CCSER1: variants seen among roughly 807,000 people sequenced by gnomAD.
The protein encoded by CCSER1 is coiled-coil serine rich protein 1.
CCSER1 carries 41 observed loss-of-function variants against 82.0 expected under a neutral mutation model. That is an observed-to-expected ratio of 0.50 (90% CI 0.39 to 0.65). The LOEUF (loss-of-function observed/expected upper bound fraction) is 0.65, where lower values mean the gene tolerates loss of function less well. Among genes scored for constraint, CCSER1 ranks in the 30% least tolerant of loss-of-function variants. The pLI, the probability that CCSER1 is intolerant of heterozygous loss-of-function variation, is 0.00. For synonymous variants in CCSER1, 414 were observed against 383.9 expected (o/e 1.08, Z -0.92); for missense variants, 1,119 against 1,064.2 (o/e 1.05, Z -0.72).
At chr4:91,161,511 G>C (rs1381035704) in intron 10 of CCSER1, among the ~76,000 whole-genome samples, 1 of 152,116 alleles carries the variant, frequency 6.6e-6, no homozygotes, top group African/African-American at 2.4e-5. Context: ...CCATTTTCAT[G>C]ATATTGATTC....
At chr4:91,280,323 G>C (rs932059582) in intron 10 of CCSER1, among the ~76,000 whole-genome samples, 3 of 152,206 alleles carry the variant, frequency 2.0e-5, no homozygotes, top group African/African-American at 7.2e-5. Context: ...GTATTGCATG[G>C]GTGATAGCAG....
intron 3 of CCSER1, among the ~76,000 whole-genome samples, chr4:90,314,511 A>T (rs1456495262): frequency 6.6e-6 from 1 of 152,070 alleles, no homozygotes; most frequent in Non-Finnish European, 1.5e-5. Flanking sequence ...CTCATATCTC[A>T]TGTGTTTTTC....
At chr4:90,807,533 T>C (rs11932854) in intron 7 of CCSER1, among the ~76,000 whole-genome samples, 51,715 of 151,896 alleles carry the variant, frequency 0.34, 9,021 homozygotes, top group East Asian at 0.43. Flanking sequence ...GTAGGAAGTT[T>C]GAGGCCAGCA....
chr4:90,917,230 G>A (rs890617451), intron 8 of CCSER1, among the ~76,000 whole-genome samples: 1 of 152,152 alleles, frequency 6.6e-6, no homozygotes, highest in Non-Finnish European at 1.5e-5. Context: ...GTTTATTGCG[G>A]CACTGTTCAC....
At chr4:91,382,247 T>C (rs1472589476) in intron 10 of CCSER1, among the ~76,000 whole-genome samples, 1 of 152,122 alleles carries the variant, frequency 6.6e-6, no homozygotes, top group Non-Finnish European at 1.5e-5. Flanking sequence ...ATTTATGGGA[T>C]AAGGAAACCT....
intron 1 of CCSER1, among the ~76,000 whole-genome samples, chr4:90,136,230 T>G (rs557829072): frequency 5.3e-4 from 81 of 152,250 alleles, no homozygotes; most frequent in Middle Eastern, 3.4e-3. Context: ...AGCACTCTTG[T>G]AGGTCCTAGC....
rs148877730 is a variant in CCSER1 at position 90,782,165 on chromosome 4, A to G, written c.2011-33597A>G. Among the ~76,000 whole-genome samples the G allele has an allele frequency of 2.6e-5, 4 of 152,306 alleles. No homozygotes were observed. The East Asian group carries it at 7.7e-4, about 29-fold the overall frequency. On this transcript the variant is annotated intron_variant, in intron 7 of 10. Coordinates refer to ENST00000509176, the MANE Select transcript of CCSER1 (RefSeq NM_001145065.2). ...CGGCCTTCACTGAATAGTTAATTAG[A>G]ATACCACCAGGAGGCGTCTTCTTGG...
intron 10 of CCSER1, among the ~76,000 whole-genome samples, chr4:91,290,429 C>T (rs72877092): frequency 0.078 from 11,831 of 152,032 alleles, 1,505 homozygotes; most frequent in African/African-American, 0.26. Flanking sequence ...CTAACCTCTA[C>T]AGTAGCTGTC....
chr4:91,400,686 A>T (rs1752261822), intron 10 of CCSER1, among the ~76,000 whole-genome samples: 1 of 151,538 alleles, frequency 6.6e-6, no homozygotes, highest in Non-Finnish European at 1.5e-5. Flanking sequence ...ATGTGATTAT[A>T]TCATTTGTAT....
intron 8 of CCSER1, among the ~76,000 whole-genome samples, chr4:90,914,884 C>T (rs1727064646): frequency 6.6e-6 from 1 of 152,158 alleles, no homozygotes; most frequent in South Asian, 2.1e-4. Context: ...ATACCATAAA[C>T]ACCTCTTCAC....
intron 5 of CCSER1, among the ~76,000 whole-genome samples, chr4:90,579,017 A>ACTG (rs57855383): frequency 0.45 from 67,532 of 151,060 alleles, 18,432 homozygotes; most frequent in African/African-American, 0.77. Context: ...GTTGTCTATT[A>ACTG]AAAAAAGCTT....
chr4:90,665,698 G>T (rs1389811189), intron 6 of CCSER1, among the ~76,000 whole-genome samples: 2 of 152,182 alleles, frequency 1.3e-5, no homozygotes, highest in Non-Finnish European at 2.9e-5. Context: ...TGAGGCAAGA[G>T]TTTACAAAGC....
intron 4 of CCSER1, among the ~76,000 whole-genome samples, chr4:90,421,224 T>A (rs1463099076): frequency 6.6e-6 from 1 of 152,200 alleles, no homozygotes; most frequent in Non-Finnish European, 1.5e-5. Flanking sequence ...TTTCTATTCA[T>A]CAGGTCATAT....
At chr4:90,190,969 A>G (rs140352554) in intron 1 of CCSER1, among the ~76,000 whole-genome samples, 3,198 of 152,218 alleles carry the variant, frequency 0.021, 42 homozygotes, top group South Asian at 0.035. Context: ...AAAGAGCTTC[A>G]AAGTTTATGC....
intron 10 of CCSER1, among the ~76,000 whole-genome samples, chr4:91,357,879 C>CA (rs966688336): frequency 1.4e-5 from 1 of 70,352 alleles, no homozygotes; most frequent in Non-Finnish European, 3.2e-5. Context: ...TCTGCCTGCC[C>CA]CCCCCCCCTT....
At chr4:90,324,722 GT>G (rs938359591) in intron 3 of CCSER1, among the ~76,000 whole-genome samples, 4 of 151,674 alleles carry the variant, frequency 2.6e-5, no homozygotes, top group Non-Finnish European at 4.4e-5. Context: ...TGCTTTTGGT[GT>G]TTTAGACATG....
At chr4:91,054,464 T>TTCTTTG (rs1270169905) in intron 9 of CCSER1, among the ~76,000 whole-genome samples, 1 of 152,178 alleles carries the variant, frequency 6.6e-6, no homozygotes, top group Non-Finnish European at 1.5e-5. Flanking sequence ...TAAGCTGTCC[T>TTCTTTG]TCTTTGTCTT....
At chr4:91,065,567 TGTG>T (rs1429433119) in intron 9 of CCSER1, among the ~76,000 whole-genome samples, 3 of 152,288 alleles carry the variant, frequency 2.0e-5, no homozygotes, top group South Asian at 2.1e-4. Context: ...TGGGAAATAA[TGTG>T]GTAACACTTG....
Position 90,309,512 on chromosome 4 carries a change from A to G in CCSER1, c.1228A>G (p.Ile410Val). The G allele has an allele frequency of 1.2e-6, 2 of 1,613,626 alleles. No homozygotes were observed. Among genetic ancestry groups the G allele is most frequent in the Non-Finnish European group, 1.7e-6 (2 of 1,179,694 alleles). ...AGCAATAGCGGAACATGTAAAAGGG[A>G]TCCATCCTATTTCAGATTCAAAGAT... is the stretch of plus-strand genomic sequence containing the variant. ...HKAIAEHVKG[I>V]HPISDSKIIP... Residue 410 changes from isoleucine (I) to valine (V), a missense_variant, in exon 2 of 11, where the codon ATC becomes GTC. By Grantham distance (29) the Ile-to-Val change is conservative. Transcript: ENST00000509176.
Sources: allele counts gnomAD v4.1 joint callset (sites outside exome capture counted in the v4.1 genomes callset), GRCh38; gene constraint gnomAD v4.1.1; transcripts MANE v1.5; gene names NCBI Gene and HGNC (gene_info 2026-07-23, HGNC 2026-07-21).